The following DGKB variants were observed in gnomAD, a reference collection of about 807,000 sequenced individuals.
DGKB encodes the protein 90 kDa diacylglycerol kinase.
DGKB carries 67 observed loss-of-function variants against 114.3 expected under a neutral mutation model. That is an observed-to-expected ratio of 0.59 (90% CI 0.48 to 0.72). The LOEUF (loss-of-function observed/expected upper bound fraction) is 0.72, where lower values mean the gene tolerates loss of function less well. Among genes scored for constraint, DGKB ranks in the 30% least tolerant of loss-of-function variants. The pLI is 0.00. For synonymous variants in DGKB, 398 were observed against 323.1 expected (o/e 1.23, Z -2.49); for missense variants, 907 against 975.2 (o/e 0.93, Z 0.93).
intron 20 of DGKB, among the ~76,000 whole-genome samples, chr7:14,526,137 G>A (rs1293314600): frequency 6.6e-6 from 1 of 152,010 alleles, no homozygotes; most frequent in African/African-American, 2.4e-5. Flanking sequence ...CATTCTACTG[G>A]AATTCCATGT....
intron 2 of DGKB, among the ~76,000 whole-genome samples, chr7:14,769,343 A>G (rs896503831): frequency 2.0e-5 from 3 of 152,008 alleles, no homozygotes; most frequent in African/African-American, 7.3e-5. Context: ...TTTATAGTCC[A>G]TGCAACATTG....
chr7:14,755,233 A>T (rs762755834), intron 3 of DGKB, among the ~76,000 whole-genome samples: 3 of 152,090 alleles, frequency 2.0e-5, no homozygotes, highest in Non-Finnish European at 4.4e-5. Context: ...TTCACATATT[A>T]TACTTAATAT....
At chr7:14,874,401 C>T (rs1242927493) in intron 1 of DGKB, among the ~76,000 whole-genome samples, 1 of 152,000 alleles carries the variant, frequency 6.6e-6, no homozygotes, top group Non-Finnish European at 1.5e-5. Flanking sequence ...GATTAATCCA[C>T]TAACATTAAT....
At chr7:14,510,240 T>C (rs1787788845) in intron 20 of DGKB, among the ~76,000 whole-genome samples, 1 of 152,216 alleles carries the variant, frequency 6.6e-6, no homozygotes, top group African/African-American at 2.4e-5. Flanking sequence ...CATTTGATGC[T>C]GTGTGATAGC....
chr7:14,757,206 C>T (rs183628483), intron 3 of DGKB, among the ~76,000 whole-genome samples: 21 of 152,126 alleles, frequency 1.4e-4, no homozygotes, highest in African/African-American at 4.6e-4. Flanking sequence ...CTCCCTACCC[C>T]TACACCAATA....
chr7:14,879,063 T>G (rs376412281), intron 1 of DGKB, among the ~76,000 whole-genome samples: 26 of 151,976 alleles, frequency 1.7e-4, no homozygotes, highest in East Asian at 1.2e-3. Context: ...ACTCATGGTC[T>G]TGTTACTAGA....
chr7:14,951,626 A>T (rs943551252), intron 1 of DGKB, among the ~76,000 whole-genome samples: 1 of 152,016 alleles, frequency 6.6e-6, no homozygotes, highest in South Asian at 2.1e-4. Flanking sequence ...AGAATGTACA[A>T]TATAGAGCAA....
intron 20 of DGKB, among the ~76,000 whole-genome samples, chr7:14,480,474 G>A (rs1782823912): frequency 1.3e-5 from 2 of 152,140 alleles, no homozygotes; most frequent in African/African-American, 4.8e-5. Flanking sequence ...CTGTCCCTTT[G>A]GCATAACCCC....
chr7:14,906,567 C>A (rs1356151483), upstream of DGKB, among the ~76,000 whole-genome samples: 1 of 150,826 alleles, frequency 6.6e-6, no homozygotes, highest in African/African-American at 2.4e-5. Flanking sequence ...GATTCTCCTG[C>A]CTCAGCCTCC....
chr7:14,940,869 G>T (rs1048165213), intron 1 of DGKB, among the ~76,000 whole-genome samples: 6 of 151,962 alleles, frequency 3.9e-5, no homozygotes, highest in African/African-American at 1.4e-4. Context: ...TTTGGACAGT[G>T]AGATGAGATT....
At chr7:14,636,821 T>C (rs2128864958) in intron 13 of DGKB, among the ~76,000 whole-genome samples, 1 of 152,038 alleles carries the variant, frequency 6.6e-6, no homozygotes, top group South Asian at 2.1e-4. Flanking sequence ...AAGCCCAGAT[T>C]TGTGAAAACA....
chr7:14,404,809 T>C (rs1043991027), intron 21 of DGKB, among the ~76,000 whole-genome samples: 1 of 151,884 alleles, frequency 6.6e-6, no homozygotes, highest in African/African-American at 2.4e-5. Context: ...TCTGGGAACC[T>C]ACACTCTCTG....
chr7:14,739,746 T>C (rs1832276900), intron 4 of DGKB, among the ~76,000 whole-genome samples: 1 of 152,170 alleles, frequency 6.6e-6, no homozygotes, highest in Non-Finnish European at 1.5e-5. Flanking sequence ...CTGCACCCCT[T>C]GCGTCACTCT....
intron 6 of DGKB, among the ~76,000 whole-genome samples, chr7:14,711,347 A>C (rs1827322382): frequency 6.6e-6 from 1 of 152,122 alleles, no homozygotes; most frequent in African/African-American, 2.4e-5. Flanking sequence ...GTCAAGGTCA[A>C]GGATAGAACT....
intron 23 of DGKB, among the ~76,000 whole-genome samples, chr7:14,292,390 A>G (rs1392364472): frequency 6.6e-6 from 1 of 152,176 alleles, no homozygotes; most frequent in Non-Finnish European, 1.5e-5. Context: ...CAAGCTGTGA[A>G]AAGTGTCACA....
intron 2 of DGKB, among the ~76,000 whole-genome samples, chr7:14,761,835 C>A (rs1019605438): frequency 6.6e-5 from 10 of 152,096 alleles, no homozygotes; most frequent in African/African-American, 2.4e-4. Context: ...TGCTAGGCAG[C>A]CCAGTGCTGA....
intron 4 of DGKB, among the ~76,000 whole-genome samples, chr7:14,740,096 C>A (rs745932202): frequency 2.6e-5 from 4 of 152,264 alleles, no homozygotes; most frequent in African/African-American, 9.6e-5. Context: ...AGCTGGCCAG[C>A]GTTCCCCGCC....
chr7:14,509,153 T>C (rs1238678238), intron 20 of DGKB, among the ~76,000 whole-genome samples: 3 of 152,158 alleles, frequency 2.0e-5, no homozygotes, highest in Non-Finnish European at 2.9e-5. Context: ...CCTACAGGTA[T>C]AGCTTGTATA....
At chr7:14,579,934 G>A (rs991654748) in intron 19 of DGKB, among the ~76,000 whole-genome samples, 3 of 152,138 alleles carry the variant, frequency 2.0e-5, no homozygotes, top group African/African-American at 7.2e-5. Context: ...ACTTCTCTAA[G>A]TGAGCTTTGA....
Sources: gnomAD v4.1 joint callset for allele counts (sites outside exome capture counted in the v4.1 genomes callset) on GRCh38, gnomAD v4.1.1 for gene constraint, MANE v1.5 for transcripts, NCBI Gene and HGNC (gene_info 2026-07-23, HGNC 2026-07-21) for gene names.